CADM2: variants seen among roughly 807,000 people sequenced by gnomAD.
CADM2 encodes the protein immunoglobulin superfamily member 4D.
A neutral mutation model predicts 49.8 loss-of-function variants in CADM2; 12 were observed. The observed-to-expected ratio is 0.24, with a 90% CI of 0.15 to 0.39. CADM2 has a LOEUF of 0.39. Among genes scored for constraint, CADM2 ranks in the 10% least tolerant of loss-of-function variants. The pLI is 1.00. For synonymous variants in CADM2, 214 were observed against 175.4 expected, an observed-to-expected ratio of 1.22 and a Z score of -1.74; for missense variants, 378 against 492.3, an observed-to-expected ratio of 0.77 and a Z score of 2.20.
rs970812911 is a variant in CADM2, at chr3:86,068,306, T to A, written c.*1523T>A. ...ACAGTTAATCTAAAGTCTTATTATTTCTTCTAGTAAAATAAAATATTGTTA... is the reference window on the plus strand; with the variant it reads ...ACAGTTAATCTAAAGTCTTATTATTACTTCTAGTAAAATAAAATATTGTTA... On this transcript the variant is annotated 3_prime_UTR_variant, in exon 10 of 10. Transcript: ENST00000383699. The A allele has an allele frequency of 2.6e-5, 4 of 152,238 alleles. No homozygotes were observed. In the South Asian group the frequency reaches 8.3e-4, roughly 32 times the overall value. The allele number at this position is 152,238 out of a possible 1,614,324, so 9.4% of individuals were successfully genotyped here. A position where few individuals can be genotyped will look rare whatever the true frequency, so the allele number is the denominator to read the frequency against.
intron 1 of CADM2, among the ~76,000 whole-genome samples, chr3:85,559,655 AACACACACACAC>A (rs144677158): frequency 9.0e-6 from 1 of 111,006 alleles, no homozygotes; most frequent in South Asian, 2.7e-4. Context: ...ATTTAAAAGA[AACACACACACAC>A]ACACACACAC....
At chr3:85,465,762 T>C (rs2038464400) in intron 1 of CADM2, among the ~76,000 whole-genome samples, 1 of 152,156 alleles carries the variant, frequency 6.6e-6, no homozygotes, top group Non-Finnish European at 1.5e-5. Flanking sequence ...CTACACATAT[T>C]AATAATAGAT....
chr3:84,975,504 T>C (rs2031761848), intron 1 of CADM2, among the ~76,000 whole-genome samples: 1 of 151,842 alleles, frequency 6.6e-6, no homozygotes, highest in South Asian at 2.1e-4. Context: ...AAAACCCGGA[T>C]ATAAAGTAAT....
intron 1 of CADM2, among the ~76,000 whole-genome samples, chr3:85,005,551 G>A (rs1345046433): frequency 6.6e-6 from 1 of 151,972 alleles, no homozygotes; most frequent in African/African-American, 2.4e-5. Context: ...GATAAATAAG[G>A]AAAAATCCAC....
chr3:85,887,758 T>C (rs1296771012), intron 5 of CADM2, among the ~76,000 whole-genome samples: 1 of 152,156 alleles, frequency 6.6e-6, no homozygotes, highest in Admixed American at 6.5e-5. Context: ...GTAACATCCA[T>C]TCTAATTCTG....
chr3:85,421,575 A>G (rs1022100259), intron 1 of CADM2, among the ~76,000 whole-genome samples: 2 of 152,198 alleles, frequency 1.3e-5, no homozygotes, highest in South Asian at 2.1e-4. Flanking sequence ...CTACAAATGT[A>G]CATGAAAACT....
At chr3:85,215,433 T>C (rs111827975) in intron 1 of CADM2, among the ~76,000 whole-genome samples, 4 of 148,664 alleles carry the variant, frequency 2.7e-5, no homozygotes, top group Non-Finnish European at 5.9e-5. Context: ...GTTTGTTACA[T>C]AGATAAATTT....
chr3:85,453,443 A>G (rs887400656), intron 1 of CADM2, among the ~76,000 whole-genome samples: 1 of 152,106 alleles, frequency 6.6e-6, no homozygotes, highest in African/African-American at 2.4e-5. Context: ...ACCCTCTTCA[A>G]TTCACATATT....
intron 1 of CADM2, among the ~76,000 whole-genome samples, chr3:85,558,727 A>G (rs1042670357): frequency 6.6e-5 from 10 of 152,074 alleles, no homozygotes; most frequent in Non-Finnish European, 1.5e-4. Flanking sequence ...TTGAAAAGCT[A>G]TCCCAATATT....
intron 1 of CADM2, among the ~76,000 whole-genome samples, chr3:85,222,615 G>A (rs2042068212): frequency 6.6e-6 from 1 of 151,996 alleles, no homozygotes; most frequent in African/African-American, 2.4e-5. Context: ...TCTACTTTTT[G>A]GAGGACTTGG....
At chr3:85,363,785 G>C (rs531872830) in intron 1 of CADM2, among the ~76,000 whole-genome samples, 42 of 151,314 alleles carry the variant, frequency 2.8e-4, no homozygotes, top group African/African-American at 9.9e-4. Flanking sequence ...CTAATTTTTT[G>C]TATTTTCAGT....
At chr3:85,820,710 G>A (rs929929718) in intron 3 of CADM2, among the ~76,000 whole-genome samples, 1 of 152,052 alleles carries the variant, frequency 6.6e-6, no homozygotes, top group Non-Finnish European at 1.5e-5. Flanking sequence ...ATAGCCAATT[G>A]GGTATATGAG....
At chr3:85,766,723 T>C (rs1309384110) in intron 2 of CADM2, among the ~76,000 whole-genome samples, 1 of 152,174 alleles carries the variant, frequency 6.6e-6, no homozygotes, top group Non-Finnish European at 1.5e-5. Flanking sequence ...TGTTGATGAG[T>C]CCCATTGTCC....
chr3:85,791,544 A>AAAGAG (rs1559659850), intron 2 of CADM2, among the ~76,000 whole-genome samples: 69 of 99,998 alleles, frequency 6.9e-4, no homozygotes, highest in African/African-American at 1.6e-3. Flanking sequence ...GAGAGAGAGA[A>AAAGAG]AGAGAGAGAG....
chr3:85,197,062 C>T (rs998389536), intron 1 of CADM2, among the ~76,000 whole-genome samples: 1 of 151,934 alleles, frequency 6.6e-6, no homozygotes, highest in African/African-American at 2.4e-5. Flanking sequence ...TCAGTTACCA[C>T]TTACAGAAAC....
intron 1 of CADM2, among the ~76,000 whole-genome samples, chr3:85,458,347 G>A (rs1442052469): frequency 2.0e-5 from 3 of 152,138 alleles, no homozygotes; most frequent in African/African-American, 7.2e-5. Flanking sequence ...TCCTCTGCCT[G>A]TGGGAAGGAT....
chr3:85,796,912 T>C (rs1180042345), intron 2 of CADM2, among the ~76,000 whole-genome samples: 1 of 151,904 alleles, frequency 6.6e-6, no homozygotes, highest in Non-Finnish European at 1.5e-5. Flanking sequence ...CTGGCCAACA[T>C]GGTGAAATCC....
At chr3:85,762,367 C>T (rs1001070503) in intron 2 of CADM2, among the ~76,000 whole-genome samples, 3 of 152,076 alleles carry the variant, frequency 2.0e-5, no homozygotes, top group Admixed American at 6.6e-5. Flanking sequence ...TGTTTTACTA[C>T]TCAACATTTA....
At chr3:85,039,056 G>T (rs1019928943) in intron 1 of CADM2, among the ~76,000 whole-genome samples, 4 of 151,936 alleles carry the variant, frequency 2.6e-5, no homozygotes, top group Non-Finnish European at 5.9e-5. Context: ...GAAAAGAGAG[G>T]AAGAGGAAGG....
Sources: gnomAD v4.1 joint callset for allele counts (sites outside exome capture counted in the v4.1 genomes callset) on GRCh38, gnomAD v4.1.1 for gene constraint, MANE v1.5 for transcripts, NCBI Gene and HGNC (gene_info 2026-07-23, HGNC 2026-07-21) for gene names.